The following OSBPL8 variants were observed in gnomAD, a reference collection of about 807,000 sequenced individuals.
OSBPL8 encodes the protein oxysterol-binding protein-related protein 8.
OSBPL8 carries 59 observed loss-of-function variants against 125.5 expected under a neutral mutation model. The observed-to-expected ratio is 0.47, with a 90% confidence interval of 0.38 to 0.58. OSBPL8 has a LOEUF of 0.58. Among genes scored for constraint, OSBPL8 ranks in the 20% least tolerant of loss-of-function variants. The probability of loss-of-function intolerance (pLI) is 0.00; values close to 1 mark genes in which losing one functional copy is unlikely to be tolerated. For missense variants in OSBPL8, 758 were observed against 1,047.8 expected (o/e 0.72, Z 3.82); for synonymous variants, 330 against 338.9 (o/e 0.97, Z 0.29).
At chr12:76,512,080 G>A (rs376255695) in intron 1 of OSBPL8, among the ~76,000 whole-genome samples, 1 of 152,142 alleles carries the variant, frequency 6.6e-6, no homozygotes, top group African/African-American at 2.4e-5. Context: ...CAGGTATTAA[G>A]CTCAGTACCC....
intron 22 of OSBPL8, among the ~76,000 whole-genome samples, chr12:76,357,399 AG>A (rs776115948): frequency 1.3e-5 from 2 of 152,342 alleles, no homozygotes; most frequent in Admixed American, 6.5e-5. Flanking sequence ...AGTGGATGAC[AG>A]GGTGAATTAA....
At chr12:76,503,827 G>A (rs1274353581) in intron 1 of OSBPL8, among the ~76,000 whole-genome samples, 1 of 151,736 alleles carries the variant, frequency 6.6e-6, no homozygotes, top group Non-Finnish European at 1.5e-5. Flanking sequence ...ACAGGCATAA[G>A]CCACCGCGCC....
chr12:76,529,602 G>A (rs1357121288), intron 1 of OSBPL8, among the ~76,000 whole-genome samples: 1 of 151,836 alleles, frequency 6.6e-6, no homozygotes, highest in Non-Finnish European at 1.5e-5. Flanking sequence ...ATCTGTATCT[G>A]AATACATCGT....
chr12:76,463,943 C>A (rs1210046799), intron 2 of OSBPL8, among the ~76,000 whole-genome samples: 1 of 152,132 alleles, frequency 6.6e-6, no homozygotes, highest in Non-Finnish European at 1.5e-5. Context: ...TGTATAGTAC[C>A]ATGTTGTATA....
chr12:76,410,291 C>G (rs1954459881), intron 5 of OSBPL8, among the ~76,000 whole-genome samples: 1 of 152,032 alleles, frequency 6.6e-6, no homozygotes, highest in Non-Finnish European at 1.5e-5. Context: ...ATGCAATCCT[C>G]AGACTCAAGT....
At chr12:76,410,742 G>C (rs1318987831) in intron 4 of OSBPL8, 108 bp from the exon 5 acceptor site, 4 of 715,854 alleles carry the variant, frequency 5.6e-6, no homozygotes, top group African/African-American at 1.8e-5. Flanking sequence ...CAGGAAGCCT[G>C]TACACACAGC....
intron 6 of OSBPL8, among the ~76,000 whole-genome samples, chr12:76,400,377 C>T (rs940784819): frequency 3.9e-5 from 6 of 152,156 alleles, no homozygotes; most frequent in African/African-American, 9.7e-5. Context: ...TGGTGTACCA[C>T]GTTTTCTTTA....
chr12:76,384,387 T>TA (rs1555210660), intron 14 of OSBPL8, 37 bp from the exon 15 acceptor site: 2 of 1,111,208 alleles, frequency 1.8e-6, no homozygotes, highest in Non-Finnish European at 2.5e-6. Context: ...ATATAAAATA[T>TA]AAAAACATGT....
chr12:76,492,579 G>T (rs1171076290), intron 1 of OSBPL8, among the ~76,000 whole-genome samples: 1 of 152,100 alleles, frequency 6.6e-6, no homozygotes, highest in Non-Finnish European at 1.5e-5. Flanking sequence ...CCTGAGCTCC[G>T]CCTGTCAGAT....
intron 4 of OSBPL8, among the ~76,000 whole-genome samples, chr12:76,436,333 T>C (rs1198944614): frequency 6.6e-6 from 1 of 152,138 alleles, no homozygotes; most frequent in East Asian, 1.9e-4. Flanking sequence ...CAAACTAACT[T>C]CATGGTTCAT....
At chr12:76,455,673 C>T (rs934374699) in intron 3 of OSBPL8, among the ~76,000 whole-genome samples, 2 of 152,146 alleles carry the variant, frequency 1.3e-5, no homozygotes, top group African/African-American at 4.8e-5. Flanking sequence ...TCCCTCACCC[C>T]ATTCACAAGC....
chr12:76,488,471 G>C (rs1351566851), intron 1 of OSBPL8, among the ~76,000 whole-genome samples: 1 of 152,206 alleles, frequency 6.6e-6, no homozygotes, highest in Non-Finnish European at 1.5e-5. Flanking sequence ...TGACAGCCTT[G>C]CAGCAAGTAA....
intron 1 of OSBPL8, among the ~76,000 whole-genome samples, chr12:76,532,150 C>T (rs773288104): frequency 1.5e-4 from 23 of 150,814 alleles, no homozygotes; most frequent in Non-Finnish European, 2.7e-4. Context: ...ATCTGAGGCA[C>T]TATATTCTCT....
chr12:76,361,253 A>G (rs2136142527), intron 21 of OSBPL8, among the ~76,000 whole-genome samples: 1 of 152,278 alleles, frequency 6.6e-6, no homozygotes, highest in Non-Finnish European at 1.5e-5. Context: ...ACAAATCTCT[A>G]TGTCAGGGAC....
At chr12:76,450,537 A>C (rs1873255638) in intron 4 of OSBPL8, among the ~76,000 whole-genome samples, 1 of 152,030 alleles carries the variant, frequency 6.6e-6, no homozygotes, top group Non-Finnish European at 1.5e-5. Context: ...AAACAAAAGC[A>C]CTTCACAGTC....
intron 4 of OSBPL8, among the ~76,000 whole-genome samples, chr12:76,449,863 T>C (rs1408573221): frequency 2.6e-5 from 4 of 152,208 alleles, no homozygotes; most frequent in Non-Finnish European, 5.9e-5. Context: ...AAAAGTGTAC[T>C]GACAGCGTTT....
chr12:76,420,004 T>C (rs1048890207), intron 4 of OSBPL8, among the ~76,000 whole-genome samples: 2 of 152,130 alleles, frequency 1.3e-5, no homozygotes, highest in Non-Finnish European at 2.9e-5. Context: ...TAAATTAGCA[T>C]TCTGCCCTTA....
At chr12:76,462,664 AG>A (rs1017319493) in intron 2 of OSBPL8, among the ~76,000 whole-genome samples, 1 of 152,048 alleles carries the variant, frequency 6.6e-6, no homozygotes, top group East Asian at 1.9e-4. Context: ...CATAAAAACT[AG>A]GGGGGGAAAT....
chr12:76,513,913 G>A (rs1224235188), intron 1 of OSBPL8, among the ~76,000 whole-genome samples: 1 of 151,866 alleles, frequency 6.6e-6, no homozygotes, highest in Non-Finnish European at 1.5e-5. Flanking sequence ...TTTAAGTGGG[G>A]CACTGAAGGT....
Sources: gnomAD v4.1 joint callset for allele counts (sites outside exome capture counted in the v4.1 genomes callset) on GRCh38, gnomAD v4.1.1 for gene constraint, MANE v1.5 for transcripts, NCBI Gene and HGNC (gene_info 2026-07-23, HGNC 2026-07-21) for gene names.